The following MBNL2 variants were observed in gnomAD, a reference collection of about 807,000 sequenced individuals.
The protein encoded by MBNL2 is muscleblind like splicing regulator 2.
MBNL2 carries 17 observed loss-of-function variants against 41.9 expected under a neutral mutation model. That is an observed-to-expected ratio of 0.41 (90% CI 0.28 to 0.61). The LOEUF (loss-of-function observed/expected upper bound fraction) is 0.61. Among genes scored for constraint, MBNL2 ranks in the 20% least tolerant of loss-of-function variants. The pLI, the probability that MBNL2 is intolerant of heterozygous loss-of-function variation, is 0.35. For missense variants in MBNL2, 336 were observed against 505.6 expected, an observed-to-expected ratio of 0.66 and a Z score of 3.22; for synonymous variants, 195 against 182.9, an observed-to-expected ratio of 1.07 and a Z score of -0.53.
chr13:97,246,969 A>T (rs765826793), intron 1 of MBNL2, among the ~76,000 whole-genome samples: 1 of 152,172 alleles, frequency 6.6e-6, no homozygotes, highest in Non-Finnish European at 1.5e-5. Context: ...TTGGGAAGAA[A>T]GTGTTGAGTA....
intron 1 of MBNL2, among the ~76,000 whole-genome samples, chr13:97,252,354 T>C (rs570363227): frequency 5.3e-5 from 8 of 152,318 alleles, no homozygotes; most frequent in South Asian, 4.1e-4. Context: ...TGCTGTTGCT[T>C]CCAGAGATAT....
chr13:97,232,708 T>A (rs1049681219), intron 1 of MBNL2, among the ~76,000 whole-genome samples: 2 of 152,178 alleles, frequency 1.3e-5, no homozygotes, highest in Non-Finnish European at 2.9e-5. Context: ...AAGCAATTAC[T>A]GGCATACTGT....
chr13:97,285,643 C>A (rs1164570815), intron 2 of MBNL2, among the ~76,000 whole-genome samples: 1 of 152,214 alleles, frequency 6.6e-6, no homozygotes, highest in East Asian at 1.9e-4. Context: ...AGCCAGTAGA[C>A]TGCCATATTT....
At chr13:97,237,198 C>G (rs184242252) in intron 1 of MBNL2, among the ~76,000 whole-genome samples, 1 of 152,302 alleles carries the variant, frequency 6.6e-6, no homozygotes, top group East Asian at 1.9e-4. Flanking sequence ...GTTTCTTGTG[C>G]CCACCTCTCA....
chr13:97,236,058 C>T (rs2043218512), intron 1 of MBNL2, among the ~76,000 whole-genome samples: 1 of 152,122 alleles, frequency 6.6e-6, no homozygotes, highest in Non-Finnish European at 1.5e-5. Context: ...CTTCCTTGCT[C>T]AAAATGGCAT....
the MBNL2 span, among the ~76,000 whole-genome samples, chr13:97,189,694 TATAC>T: frequency 1.3e-5 from 2 of 152,256 alleles, no homozygotes; most frequent in Non-Finnish European, 2.9e-5. Context: ...TATGTCTATA[TATAC>T]ATACATGTGT....
chr13:97,276,493 T>C, intron 2 of MBNL2, 84 bp downstream of exon 2: 1 of 1,305,760 alleles, frequency 7.7e-7, no homozygotes, highest in African/African-American at 1.5e-5. Flanking sequence ...TTACAGAAGT[T>C]TAAAAATTGC....
the MBNL2 span, among the ~76,000 whole-genome samples, chr13:97,210,571 A>ATTTTTTTTTTTTTTTTTTTTTT: frequency 1.5e-5 from 1 of 65,466 alleles, no homozygotes; most frequent in Non-Finnish European, 2.8e-5. Flanking sequence ...ACAACTGTGA[A>ATTTTTTTTTTTTTTTTTTTTTT]TTTTTTTTTT....
At chr13:97,254,464 A>C (rs557806068) in intron 1 of MBNL2, among the ~76,000 whole-genome samples, 1 of 152,334 alleles carries the variant, frequency 6.6e-6, no homozygotes, top group African/African-American at 2.4e-5. Context: ...TTGACTGTGA[A>C]AGTTTCAATT....
the MBNL2 span, among the ~76,000 whole-genome samples, chr13:97,176,047 C>T: frequency 0.096 from 14,536 of 152,182 alleles, 763 homozygotes; most frequent in South Asian, 0.17. Context: ...TATTACTCTG[C>T]CATGCTGGAA....
chr13:97,288,795 G>T (rs966992904), intron 2 of MBNL2, among the ~76,000 whole-genome samples: 1 of 152,128 alleles, frequency 6.6e-6, no homozygotes, highest in Admixed American at 6.5e-5. Flanking sequence ...ATACTCCTAG[G>T]ACAAATCCTC....
chr13:97,371,441 C>G (rs1404739064), intron 8 of MBNL2, among the ~76,000 whole-genome samples: 4 of 152,184 alleles, frequency 2.6e-5, no homozygotes, highest in Admixed American at 2.0e-4. Context: ...ACAAAGAAAG[C>G]TGGGGAAGTA....
At chr13:97,171,774 T>C in the MBNL2 span, among the ~76,000 whole-genome samples, 1 of 152,162 alleles carries the variant, frequency 6.6e-6, no homozygotes, top group Non-Finnish European at 1.5e-5. Flanking sequence ...TCATCTTGAA[T>C]TGTAGCTCCC....
In MBNL2 at chr13:97,339,052, T is replaced by C. The variant is rs369231213; in HGVS notation, c.340-3964T>C. Among the ~76,000 whole-genome samples the C allele has an allele frequency of 8.2e-3, 323 of 39,514 alleles. 1 individual carries two copies. Among genetic ancestry groups the C allele is most frequent in the African/African-American group, 0.029 (314 of 10,646 alleles). The allele number at this position is 39,514 out of a possible 152,430, so 25.9% of individuals were successfully genotyped here. ...TGTGTAGTTAGTGTATATGTGCAAG[T>C]GTGTATATGTGTGCATGCAGGTGTG... On this transcript the variant is annotated intron_variant, in intron 3 of 8. Transcript: ENST00000679496.
chr13:97,329,044 A>G (rs2060150720), intron 2 of MBNL2, among the ~76,000 whole-genome samples: 3 of 152,180 alleles, frequency 2.0e-5, no homozygotes. Flanking sequence ...AATAGCACCA[A>G]TCTGTTGTTC....
chr13:97,161,314 G>T, the MBNL2 span, among the ~76,000 whole-genome samples: 1 of 152,128 alleles, frequency 6.6e-6, no homozygotes, highest in African/African-American at 2.4e-5. Flanking sequence ...CATTCTCATT[G>T]CTTACCCATT....
chr13:97,368,412 T>TTTAAAA (rs1555320644), intron 8 of MBNL2, among the ~76,000 whole-genome samples: 1 of 146,058 alleles, frequency 6.8e-6, no homozygotes, highest in Non-Finnish European at 1.5e-5. Flanking sequence ...ACACCCTGTC[T>TTTAAAA]TAAAATAAAA....
At chr13:97,205,830 T>C in the MBNL2 span, among the ~76,000 whole-genome samples, 2 of 152,240 alleles carry the variant, frequency 1.3e-5, no homozygotes, top group African/African-American at 4.8e-5. Flanking sequence ...AAGAATTACA[T>C]GCACGACTGA....
the MBNL2 span, among the ~76,000 whole-genome samples, chr13:97,183,592 C>G: frequency 6.6e-6 from 1 of 152,314 alleles, no homozygotes; most frequent in Admixed American, 6.5e-5. Context: ...TAGTGGCCAG[C>G]ACCTGGTGTT....
Sources: allele counts gnomAD v4.1 joint callset (sites outside exome capture counted in the v4.1 genomes callset), GRCh38; gene constraint gnomAD v4.1.1; transcripts MANE v1.5; gene names NCBI Gene and HGNC (gene_info 2026-07-23, HGNC 2026-07-21).